The following CTNNA2 variants were observed in gnomAD, a reference collection of about 807,000 sequenced individuals.
CTNNA2 encodes catenin alpha 2.
A neutral mutation model predicts 101.0 loss-of-function variants in CTNNA2; 42 were observed. The observed-to-expected ratio is 0.42, with a 90% CI of 0.32 to 0.54. The LOEUF (loss-of-function observed/expected upper bound fraction) is 0.54, where lower values mean the gene tolerates loss of function less well. CTNNA2 is among the 20% of genes least tolerant of loss of function. The pLI is 0.14. For synonymous variants in CTNNA2, 450 were observed against 456.4 expected (o/e 0.99, Z 0.18); for missense variants, 871 against 1,223.1 (o/e 0.71, Z 4.29).
chr2:79,997,143 G>A (rs1220127648), intron 7 of CTNNA2, among the ~76,000 whole-genome samples: 5 of 152,004 alleles, frequency 3.3e-5, no homozygotes, highest in African/African-American at 1.2e-4. Flanking sequence ...CCCCTTTTGG[G>A]TGCATCTCTG....
chr2:79,881,175 G>A (rs1383278962), intron 6 of CTNNA2, among the ~76,000 whole-genome samples: 1 of 152,130 alleles, frequency 6.6e-6, no homozygotes, highest in Non-Finnish European at 1.5e-5. Context: ...TGTGGTCTGA[G>A]AGACTGTTAT....
At chr2:79,809,684 A>G (rs1333442101) in intron 3 of CTNNA2, among the ~76,000 whole-genome samples, 1 of 152,102 alleles carries the variant, frequency 6.6e-6, no homozygotes, top group East Asian at 1.9e-4. Context: ...TCTGGATATT[A>G]GCCCTTTGTC....
chr2:79,467,809 T>C (rs1670955881), intron 4 of CTNNA2, among the ~76,000 whole-genome samples: 1 of 152,134 alleles, frequency 6.6e-6, no homozygotes. Flanking sequence ...CTAAAATCCT[T>C]TACAGACAAG....
chr2:80,057,452 A>T (rs1297354352), intron 7 of CTNNA2, among the ~76,000 whole-genome samples: 3 of 152,214 alleles, frequency 2.0e-5, no homozygotes, highest in African/African-American at 7.2e-5. Context: ...TTAAAAGAGA[A>T]AGTCTCAAAC....
intron 1 of CTNNA2, among the ~76,000 whole-genome samples, chr2:79,599,692 C>G (rs1246822827): frequency 6.6e-6 from 1 of 152,060 alleles, no homozygotes; most frequent in Non-Finnish European, 1.5e-5. Context: ...GGAGTAATAT[C>G]TTAGGACACA....
intron 1 of CTNNA2, among the ~76,000 whole-genome samples, chr2:79,542,118 G>A (rs1367739071): frequency 2.6e-5 from 4 of 151,596 alleles, no homozygotes; most frequent in African/African-American, 7.3e-5. Context: ...TAGCCCGAAA[G>A]TAGTATATAT....
chr2:79,845,291 A>G (rs1204681389), intron 3 of CTNNA2, among the ~76,000 whole-genome samples: 1 of 150,954 alleles, frequency 6.6e-6, no homozygotes, highest in Non-Finnish European at 1.5e-5. Context: ...GGAAGTAAGT[A>G]GGGCAGAAAT....
At position 80,490,288 on chromosome 2, in the gene CTNNA2, C is replaced by G. The variant is rs544654058; in HGVS notation, c.1291-54694C>G. 1.2e-3 allele frequency among the ~76,000 whole-genome samples: 116 copies of G among 97,908 alleles called. 1 individual carries two copies. The East Asian group carries it at 0.025, about 21-fold the overall frequency. 64.2% of individuals were successfully genotyped at this position (97,908 alleles called of 152,430 possible). On this transcript the variant is annotated intron_variant, in intron 9 of 18. Coordinates refer to ENST00000402739, the MANE Select transcript of CTNNA2 (RefSeq NM_001282597.3). ...TTTTTCCTTCCCCCCCCACCCCCCCCCCGGTAAAGCACCAGATAGTAAATA... is the reference window on the plus strand; with the variant it reads ...TTTTTCCTTCCCCCCCCACCCCCCCGCCGGTAAAGCACCAGATAGTAAATA...
chr2:79,687,115 T>C (rs895045372), intron 2 of CTNNA2, among the ~76,000 whole-genome samples: 2 of 152,130 alleles, frequency 1.3e-5, no homozygotes, highest in African/African-American at 4.8e-5. Flanking sequence ...TCTGTGCTCA[T>C]AGACAGGCTT....
intron 1 of CTNNA2, among the ~76,000 whole-genome samples, chr2:79,540,633 C>A (rs1673350214): frequency 6.6e-6 from 1 of 152,162 alleles, no homozygotes; most frequent in Admixed American, 6.5e-5. Context: ...AGTTGATTCA[C>A]AGGACAAACA....
chr2:79,712,122 A>G (rs1685778623), intron 2 of CTNNA2, among the ~76,000 whole-genome samples: 2 of 152,162 alleles, frequency 1.3e-5, no homozygotes, highest in South Asian at 4.1e-4. Context: ...TGACTACTTT[A>G]TATGTCATCT....
intron 6 of CTNNA2, among the ~76,000 whole-genome samples, chr2:79,892,438 G>C (rs1049882307): frequency 6.6e-6 from 1 of 151,668 alleles, no homozygotes; most frequent in Non-Finnish European, 1.5e-5. Context: ...CCACAAAATA[G>C]AGTAAAATTT....
At chr2:80,449,136 G>C (rs563539306) in intron 9 of CTNNA2, among the ~76,000 whole-genome samples, 9 of 152,172 alleles carry the variant, frequency 5.9e-5, no homozygotes, top group African/African-American at 1.9e-4. Context: ...AATAGGCCAG[G>C]TGCAGTGGTT....
intron 9 of CTNNA2, among the ~76,000 whole-genome samples, chr2:80,544,362 A>G (rs889889510): frequency 1.3e-5 from 2 of 152,096 alleles, no homozygotes; most frequent in African/African-American, 4.8e-5. Flanking sequence ...AGGCCATCAA[A>G]TTTGAATGTC....
In CTNNA2 at chr2:80,538,192, A is replaced by C. The variant is rs1170997308; in HGVS notation, c.1291-6790A>C. ...TAGGTTGCCTGTTCACTCTGATGCT[A>C]GTTTATTTTGTTGTGCAGAAGCTCT... On this transcript the variant is annotated intron_variant, in intron 9 of 18. Transcript: ENST00000402739. 5.9e-5 allele frequency among the ~76,000 whole-genome samples: 9 copies of C among 152,046 alleles called. No homozygotes were observed. In the East Asian group the frequency reaches 1.7e-3, roughly 29 times the overall value.
intron 9 of CTNNA2, among the ~76,000 whole-genome samples, chr2:80,466,648 C>T (rs1360764158): frequency 6.6e-6 from 1 of 152,138 alleles, no homozygotes; most frequent in African/African-American, 2.4e-5. Context: ...TGTTCACAAA[C>T]AGATGGAAAA....
At chr2:80,307,899 G>A (rs1677178522) in intron 7 of CTNNA2, among the ~76,000 whole-genome samples, 1 of 152,202 alleles carries the variant, frequency 6.6e-6, no homozygotes, top group South Asian at 2.1e-4. Flanking sequence ...TATGGATTCA[G>A]CAAATGGGAA....
intron 7 of CTNNA2, among the ~76,000 whole-genome samples, chr2:80,372,429 C>T (rs1675528214): frequency 7.1e-6 from 1 of 141,784 alleles, no homozygotes; most frequent in Admixed American, 7.1e-5. Flanking sequence ...GTTGCTCTTT[C>T]TTAAAATTTC....
At chr2:79,937,228 G>A (rs759174239) in intron 7 of CTNNA2, among the ~76,000 whole-genome samples, 8 of 152,088 alleles carry the variant, frequency 5.3e-5, no homozygotes, top group Non-Finnish European at 1.0e-4. Flanking sequence ...TAAGCCAGTT[G>A]ACTTACATTC....
Sources: gnomAD v4.1 joint callset for allele counts (sites outside exome capture counted in the v4.1 genomes callset) on GRCh38, gnomAD v4.1.1 for gene constraint, MANE v1.5 for transcripts, NCBI Gene and HGNC (gene_info 2026-07-23, HGNC 2026-07-21) for gene names.